Variants in FHIP1A observed in about 807,000 individuals in gnomAD.
The protein encoded by FHIP1A is FHF complex subunit HOOK-interacting protein 1A.
In FHIP1A, 61 loss-of-function variants were observed where a neutral mutation model predicts 88.6. The ratio of observed to expected loss-of-function variants is 0.69; its 90% confidence interval spans 0.56 to 0.85. The LOEUF (loss-of-function observed/expected upper bound fraction) is 0.85, where lower values mean the gene tolerates loss of function less well. Among genes scored for constraint, FHIP1A ranks in the 40% least tolerant of loss-of-function variants. The probability of loss-of-function intolerance (pLI) is 0.00; values close to 1 mark genes in which losing one functional copy is unlikely to be tolerated. For missense variants in FHIP1A, 1,154 were observed against 1,273.5 expected (o/e 0.91, Z 1.43); for synonymous variants, 478 against 496.0 (o/e 0.96, Z 0.48).
chr4:151,475,557 T>C (rs1293595318), intron 2 of FHIP1A, among the ~76,000 whole-genome samples: 1 of 152,088 alleles, frequency 6.6e-6, no homozygotes, highest in African/African-American at 2.4e-5. Flanking sequence ...GTGTTGCACA[T>C]TCCTGAGGTG....
At chr4:151,553,341 T>C (rs1732819061) in intron 3 of FHIP1A, among the ~76,000 whole-genome samples, 1 of 152,178 alleles carries the variant, frequency 6.6e-6, no homozygotes, top group Admixed American at 6.5e-5. Flanking sequence ...ACAACTAAAT[T>C]TGTGGGTATT....
At chr4:151,432,002 C>T (rs115152654) in intron 1 of FHIP1A, among the ~76,000 whole-genome samples, 1,620 of 152,282 alleles carry the variant, frequency 0.011, 10 homozygotes, top group Admixed American at 0.016. Flanking sequence ...CTTAACTACT[C>T]TGTAGTACAG....
intron 1 of FHIP1A, among the ~76,000 whole-genome samples, chr4:151,411,331 G>T (rs1283576490): frequency 2.8e-5 from 3 of 108,524 alleles, no homozygotes; most frequent in Non-Finnish European, 3.9e-5. Context: ...TGCCTCTGAG[G>T]AGTGAAATTA....
At chr4:151,537,150 T>C (rs1293217050) in intron 3 of FHIP1A, among the ~76,000 whole-genome samples, 2 of 152,088 alleles carry the variant, frequency 1.3e-5, no homozygotes, top group Non-Finnish European at 2.9e-5. Context: ...AGTGCTGGGA[T>C]CACAGGTGTG....
intron 8 of FHIP1A, among the ~76,000 whole-genome samples, chr4:151,633,710 G>A (rs114705965): frequency 0.01 from 1,524 of 151,904 alleles, 17 homozygotes; most frequent in Non-Finnish European, 0.016. Context: ...AACCCACAGC[G>A]TCATCTCAAT....
At chr4:151,564,064 C>G (rs796812275) in intron 3 of FHIP1A, among the ~76,000 whole-genome samples, 2 of 152,170 alleles carry the variant, frequency 1.3e-5, no homozygotes, top group South Asian at 4.1e-4. Context: ...GCTATTTATC[C>G]TGTCTATACT....
At chr4:151,628,871 T>C (rs1036381456) in intron 7 of FHIP1A, among the ~76,000 whole-genome samples, 1 of 152,226 alleles carries the variant, frequency 6.6e-6, no homozygotes, top group African/African-American at 2.4e-5. Flanking sequence ...AGGACAAAGA[T>C]GTATATGCTA....
chr4:151,465,197 T>A lies in FHIP1A; in HGVS notation c.-248+10389T>A, dbSNP rs531534789. Among the ~76,000 whole-genome samples the A allele has an allele frequency of 3.9e-5, 6 of 152,130 alleles. No individual in the cohort carries two copies. In the South Asian group the frequency reaches 6.2e-4, roughly 16 times the overall value. ...GTGACAGAGTGAGGCCCTGTCTCTT[T>A]AAAAGAAAAACAAAAACAAAAACTA... On this transcript the variant is annotated intron_variant, in intron 2 of 13. Transcript: ENST00000435205.
At chr4:151,632,879 T>A (rs1736208359) in intron 8 of FHIP1A, among the ~76,000 whole-genome samples, 1 of 151,116 alleles carries the variant, frequency 6.6e-6, no homozygotes, top group South Asian at 2.1e-4. Context: ...AAAAAGAAAA[T>A]CTTGAAGCAA....
chr4:151,531,460 C>A (rs1217521001), intron 3 of FHIP1A, among the ~76,000 whole-genome samples: 2 of 151,630 alleles, frequency 1.3e-5, no homozygotes, highest in Admixed American at 1.3e-4. Flanking sequence ...TTTTTCAAGG[C>A]CTTGATTTTT....
intron 5 of FHIP1A, among the ~76,000 whole-genome samples, chr4:151,580,553 G>A (rs2126795587): frequency 1.3e-5 from 2 of 152,330 alleles, no homozygotes; most frequent in South Asian, 4.1e-4. Flanking sequence ...CAGGAAAGCA[G>A]TATGGCAATG....
chr4:151,491,670 C>G (rs1211983368), intron 3 of FHIP1A, among the ~76,000 whole-genome samples: 1 of 151,930 alleles, frequency 6.6e-6, no homozygotes, highest in African/African-American at 2.4e-5. Flanking sequence ...CGTAAATGAC[C>G]TAAATGCTCC....
intron 3 of FHIP1A, among the ~76,000 whole-genome samples, chr4:151,485,632 C>T (rs1056917743): frequency 6.7e-6 from 1 of 150,216 alleles, no homozygotes; most frequent in African/African-American, 2.5e-5. Flanking sequence ...ACTCTGGTTG[C>T]CCAGACTAGA....
At chr4:151,644,205 C>T (rs1736699987) in intron 9 of FHIP1A, among the ~76,000 whole-genome samples, 1 of 152,178 alleles carries the variant, frequency 6.6e-6, no homozygotes, top group Non-Finnish European at 1.5e-5. Context: ...GAAGAGTTCA[C>T]ATCAATGGCT....
At chr4:151,498,327 C>G (rs1321338840) in intron 3 of FHIP1A, among the ~76,000 whole-genome samples, 2 of 152,160 alleles carry the variant, frequency 1.3e-5, no homozygotes, top group Non-Finnish European at 2.9e-5. Context: ...AACTTTCTTC[C>G]CTTCTGGGGT....
chr4:151,583,875 G>A (rs529468622), intron 5 of FHIP1A, among the ~76,000 whole-genome samples: 15 of 152,268 alleles, frequency 9.9e-5, no homozygotes, highest in African/African-American at 1.9e-4. Flanking sequence ...ATTTGTATGG[G>A]TATGTTCACT....
Position 151,443,920 on chromosome 4 carries a change from G to C in FHIP1A, c.-355-10781G>C, listed in dbSNP as rs543344336. ...CTGTCAATACACTTGGCCAGGCTGC[G>C]TGAAGGCTGTGCTAGAGGCAGAGGG... On this transcript the variant is annotated intron_variant, in intron 1 of 13. Coordinates refer to ENST00000435205, the MANE Select transcript of FHIP1A (RefSeq NM_001109977.3). 2.0e-5 allele frequency among the ~76,000 whole-genome samples: 3 copies of C among 151,960 alleles called. No homozygotes were observed. In the East Asian group the frequency reaches 5.8e-4, roughly 29 times the overall value.
Position 151,670,246 on chromosome 4 carries a change from C to T in FHIP1A, c.*7492C>T, listed in dbSNP as rs1010470330. 2.6e-5 allele frequency: 4 copies of T among 152,126 alleles called. No homozygotes were observed. Among genetic ancestry groups the T allele is most frequent in the Non-Finnish European group, 4.4e-5 (3 of 68,018 alleles). 9.4% of individuals were successfully genotyped at this position (152,126 alleles called of 1,614,324 possible). A position where few individuals can be genotyped will look rare whatever the true frequency, so the allele number is the denominator to read the frequency against. On this transcript the variant is annotated 3_prime_UTR_variant, in exon 14 of 14. Coordinates refer to ENST00000435205, the MANE Select transcript of FHIP1A (RefSeq NM_001109977.3). ...GCAAGCACAGGAGTGCAGACAGCCC[C>T]GCCTTCATCGTGATGCCTGCAGCAC... is the stretch of plus-strand genomic sequence containing the variant.
chr4:151,603,299 C>T (rs371928170), intron 7 of FHIP1A, among the ~76,000 whole-genome samples: 15 of 150,236 alleles, frequency 1.0e-4, no homozygotes, highest in Admixed American at 8.0e-4. Context: ...GGCAACAGAG[C>T]GAGACTCCGT....
Sources: allele counts gnomAD v4.1 joint callset (sites outside exome capture counted in the v4.1 genomes callset), GRCh38; gene constraint gnomAD v4.1.1; transcripts MANE v1.5; gene names NCBI Gene and HGNC (gene_info 2026-07-23, HGNC 2026-07-21).